The following EDN1 variants were observed in gnomAD, a reference collection of about 807,000 sequenced individuals.
EDN1 encodes endothelin-1.
Under a neutral mutation model 21.7 loss-of-function variants are expected in EDN1, and 11 were observed. The ratio of observed to expected loss-of-function variants is 0.51; its 90% CI spans 0.32 to 0.84. The LOEUF (loss-of-function observed/expected upper bound fraction) is 0.84, where lower values mean the gene tolerates loss of function less well. Among genes scored for constraint, EDN1 ranks in the 40% least tolerant of loss-of-function variants. The probability of loss-of-function intolerance (pLI) is 0.03; values close to 1 mark genes in which losing one functional copy is unlikely to be tolerated. For synonymous variants in EDN1, 85 were observed against 90.6 expected, an observed-to-expected ratio of 0.94 and a Z score of 0.35; for missense variants, 244 against 262.3, an observed-to-expected ratio of 0.93 and a Z score of 0.48.
the EDN1 span, among the ~76,000 whole-genome samples, chr6:12,255,420 A>C: frequency 0.42 from 64,583 of 152,072 alleles, 13,790 homozygotes; most frequent in East Asian, 0.51. Flanking sequence ...CTTAAACACA[A>C]ATGGCATTTA....
chr6:12,252,935 A>T, the EDN1 span, among the ~76,000 whole-genome samples: 1 of 152,208 alleles, frequency 6.6e-6, no homozygotes, highest in African/African-American at 2.4e-5. Flanking sequence ...GGTAGAGGAA[A>T]TCACCTATGA....
chr6:12,287,686 T>TCC (rs1491393317), upstream of EDN1, among the ~76,000 whole-genome samples: 1 of 121,372 alleles, frequency 8.2e-6, no homozygotes, highest in African/African-American at 3.3e-5. Context: ...TCTCTCTCTC[T>TCC]CCCTCTCTCT....
Position 12,290,388 on chromosome 6 carries a change from G to T in EDN1, c.-242G>T. 1 of 559,384 alleles carries T rather than the reference G, an allele frequency of 1.8e-6. No individual in the cohort carries two copies. Among genetic ancestry groups the T allele is most frequent in the Non-Finnish European group, 3.2e-6 (1 of 313,254 alleles). The allele number at this position is 559,384 out of a possible 1,614,324, so 34.7% of individuals were successfully genotyped here. ...ACGCGCCTCTGCATCTGCGCCAGGC[G>T]AACGGGTCCTGCGCCTCCTGCAGTC... On this transcript the variant is annotated 5_prime_UTR_variant, in exon 1 of 5. Transcript: ENST00000379375.
At chr6:12,293,676 G>A (rs1391495294) in intron 2 of EDN1, among the ~76,000 whole-genome samples, 1 of 152,214 alleles carries the variant, frequency 6.6e-6, no homozygotes, top group Non-Finnish European at 1.5e-5. Flanking sequence ...TGTTGCTTGT[G>A]TCAAGAAGAA....
At chr6:12,269,127 G>T in the EDN1 span, among the ~76,000 whole-genome samples, 25 of 151,892 alleles carry the variant, frequency 1.6e-4, no homozygotes, top group African/African-American at 5.8e-4. Flanking sequence ...TTCTTTTTTA[G>T]GGAGTTCTTT....
chr6:12,276,715 C>T, the EDN1 span, among the ~76,000 whole-genome samples: 1 of 152,202 alleles, frequency 6.6e-6, no homozygotes, highest in African/African-American at 2.4e-5. Context: ...GACAGCTTCA[C>T]TACAGGCAGA....
chr6:12,274,727 G>A, the EDN1 span, among the ~76,000 whole-genome samples: 10 of 152,172 alleles, frequency 6.6e-5, no homozygotes, highest in Admixed American at 3.3e-4. Context: ...CTAGTCAGAC[G>A]TCCCATTGGT....
At chr6:12,254,003 G>C in the EDN1 span, among the ~76,000 whole-genome samples, 2 of 152,082 alleles carry the variant, frequency 1.3e-5, no homozygotes, top group Admixed American at 6.5e-5. Flanking sequence ...CCCTCTAACT[G>C]GTTCCCTTGC....
chr6:12,278,956 T>G, the EDN1 span, among the ~76,000 whole-genome samples: 1 of 152,178 alleles, frequency 6.6e-6, no homozygotes, highest in Non-Finnish European at 1.5e-5. Flanking sequence ...TTTATGAAGT[T>G]TAGCACTTGG....
In EDN1 at chr6:12,294,061, G is replaced by C. The variant is rs150128166; in HGVS notation, c.354G>C (p.Lys118Asn). The C allele has an allele frequency of 5.5e-5, 89 of 1,614,192 alleles. No individual in the cohort carries two copies. The highest frequency in any genetic ancestry group is 7.1e-5 in the Non-Finnish European group (84 of 1,180,046). ...RCQCASQKDK[K>N]CWNFCQAGKE... ...AATGTGCTAGCCAAAAAGACAAGAA[G>C]TGCTGGAATTTTTGCCAAGCAGGAA... The change falls in exon 3 of 5, where the codon AAG becomes AAC. Residue 118 changes from lysine (K) to asparagine (N), a missense_variant. Physicochemically the swap from Lys to Asn is moderately conservative, Grantham distance 94 (BLOSUM62 0). Coordinates refer to ENST00000379375, the MANE Select transcript of EDN1 (RefSeq NM_001955.5).
chr6:12,270,460 T>C, the EDN1 span, among the ~76,000 whole-genome samples: 3 of 152,112 alleles, frequency 2.0e-5, no homozygotes, highest in African/African-American at 7.2e-5. Flanking sequence ...ATCCCATAGG[T>C]TTTGGTATAT....
chr6:12,294,558 T>A, intron 4 of EDN1, 154 bp downstream of exon 4: 1 of 846,332 alleles, frequency 1.2e-6, no homozygotes, highest in Non-Finnish European at 1.9e-6. Flanking sequence ...TCCTATAGAT[T>A]AAAAGGAGCA....
the EDN1 span, among the ~76,000 whole-genome samples, chr6:12,240,918 C>T: frequency 6.6e-6 from 1 of 152,182 alleles, no homozygotes; most frequent in South Asian, 2.1e-4. Flanking sequence ...TGGTGTTGAT[C>T]CTGCTGTGTG....
chr6:12,277,138 A>G, the EDN1 span, among the ~76,000 whole-genome samples: 24 of 152,176 alleles, frequency 1.6e-4, no homozygotes. Flanking sequence ...CTGTCTTGCA[A>G]TATGATGAAT....
intron 2 of EDN1, among the ~76,000 whole-genome samples, chr6:12,293,007 C>T (rs1026795077): frequency 3.3e-5 from 5 of 152,178 alleles, no homozygotes; most frequent in Non-Finnish European, 7.4e-5. Context: ...TGTAGCAGAG[C>T]TAGAACTGGA....
At chr6:12,289,134 CA>C (rs762874706), upstream of EDN1, among the ~76,000 whole-genome samples, 13 of 152,114 alleles carry the variant, frequency 8.5e-5, no homozygotes, top group Non-Finnish European at 1.8e-4. Context: ...GTGTGTACTT[CA>C]GGGGGGGATT....
the EDN1 span, among the ~76,000 whole-genome samples, chr6:12,236,269 T>A: frequency 6.7e-6 from 1 of 148,984 alleles, no homozygotes; most frequent in Non-Finnish European, 1.5e-5. Context: ...AGTGAATGAG[T>A]AATTTTGATG....
chr6:12,235,301 T>C, the EDN1 span, among the ~76,000 whole-genome samples: 46,756 of 152,144 alleles, frequency 0.31, 8,865 homozygotes, highest in South Asian at 0.48. Context: ...TCAGGCTTCC[T>C]TCCTATTCTC....
the EDN1 span, among the ~76,000 whole-genome samples, chr6:12,248,425 C>G: frequency 6.6e-6 from 1 of 152,186 alleles, no homozygotes; most frequent in Non-Finnish European, 1.5e-5. Context: ...CCCTCACCTC[C>G]TCTGTCTCAT....
Sources: allele counts gnomAD v4.1 joint callset (sites outside exome capture counted in the v4.1 genomes callset), GRCh38; gene constraint gnomAD v4.1.1; transcripts MANE v1.5; gene names NCBI Gene and HGNC (gene_info 2026-07-23, HGNC 2026-07-21).